Variants in AGAP1 observed in about 807,000 individuals in gnomAD.
The protein encoded by AGAP1 is ArfGAP with GTPase domain, ankyrin repeat and PH domain 1, also known as arf-GAP with GTPase, ANK repeat and PH domain-containing protein 1.
Under a neutral mutation model 105.3 loss-of-function variants are expected in AGAP1, and 29 were observed. That is an observed-to-expected ratio of 0.28 (90% CI 0.21 to 0.38). The LOEUF is 0.38. AGAP1 is among the 10% of genes least tolerant of loss of function. AGAP1 has a pLI of 1.00. For missense variants in AGAP1, 998 were observed against 1,165.1 expected (o/e 0.86, Z 2.09); for synonymous variants, 509 against 485.9 (o/e 1.05, Z -0.63).
intron 6 of AGAP1, among the ~76,000 whole-genome samples, chr2:235,766,061 C>T (rs1356506411): frequency 6.6e-6 from 1 of 152,090 alleles, no homozygotes; most frequent in East Asian, 1.9e-4. Flanking sequence ...CTGCACAGTT[C>T]GATTCTTGTT....
Position 235,622,184 on chromosome 2 carries a change from C to T in AGAP1, c.164-86995C>T, listed in dbSNP as rs538228571. ...TAAAGTAGCTTAGGTTTTATAAAAG[C>T]TGATGTTCTTCATGCTCTTCCCAAT... On this transcript the variant is annotated intron_variant, in intron 1 of 17. Transcript: ENST00000304032. This position sits in a 1 kb window ranked among gnomAD's most constrained non-coding sequence, Gnocchi z 5.0. Among the ~76,000 whole-genome samples the T allele has an allele frequency of 1.3e-5, 2 of 152,178 alleles. No individual in the cohort carries two copies. Among genetic ancestry groups the T allele is most frequent in the East Asian group, 1.9e-4 (1 of 5,168 alleles).
At chr2:235,528,833 A>T (rs1414757970) in intron 1 of AGAP1, among the ~76,000 whole-genome samples, 1 of 151,870 alleles carries the variant, frequency 6.6e-6, no homozygotes, top group Admixed American at 6.6e-5. Flanking sequence ...ATGTGCCACC[A>T]TGCCCGGCTA....
intron 6 of AGAP1, among the ~76,000 whole-genome samples, chr2:235,784,737 G>A (rs1227308811): frequency 6.6e-6 from 1 of 151,846 alleles, no homozygotes; most frequent in Non-Finnish European, 1.5e-5. Flanking sequence ...AAATGTTTAT[G>A]TGGACCCTCA....
chr2:235,779,271 G>C (rs775957137), intron 6 of AGAP1, among the ~76,000 whole-genome samples: 6 of 152,152 alleles, frequency 3.9e-5, no homozygotes, highest in Non-Finnish European at 7.4e-5. Flanking sequence ...ATACAGCCTC[G>C]CCAAGATACA....
intron 9 of AGAP1, among the ~76,000 whole-genome samples, chr2:235,849,390 C>CA (rs1961887432): frequency 6.6e-6 from 1 of 152,158 alleles, no homozygotes; most frequent in African/African-American, 2.4e-5. Flanking sequence ...TCCAAGTATT[C>CA]ATTGTTCGAA....
intron 9 of AGAP1, among the ~76,000 whole-genome samples, chr2:235,818,988 C>G (rs1055039953): frequency 6.6e-6 from 1 of 152,244 alleles, no homozygotes; most frequent in Admixed American, 6.5e-5. Context: ...TCTGTGCTGT[C>G]TGGCACCTGG....
At chr2:235,735,740 T>C (rs889465447) in intron 3 of AGAP1, among the ~76,000 whole-genome samples, 1 of 152,042 alleles carries the variant, frequency 6.6e-6, no homozygotes, top group Non-Finnish European at 1.5e-5. Flanking sequence ...AGACCTCGAC[T>C]CGCTTATGAA....
At position 235,620,292 on chromosome 2, in the gene AGAP1, T is replaced by C. The variant is rs1946435500; in HGVS notation, c.164-88887T>C. ...GCAGCGTTGCTTGGCGGATTACTGCTCACCTCTTCAAGCCGATGCTGCTAC... is the reference window on the plus strand; with the variant it reads ...GCAGCGTTGCTTGGCGGATTACTGCCCACCTCTTCAAGCCGATGCTGCTAC... On this transcript the variant is annotated intron_variant, in intron 1 of 17. Coordinates refer to ENST00000304032, the MANE Select transcript of AGAP1 (RefSeq NM_001037131.3). The surrounding 1 kb of genome is among the most constrained non-coding windows in gnomAD (Gnocchi z 4.5). Among the ~76,000 whole-genome samples the C allele has an allele frequency of 1.3e-5, 2 of 152,040 alleles. No individual in the cohort carries two copies. Among genetic ancestry groups the C allele is most frequent in the Admixed American group, 6.5e-5 (1 of 15,274 alleles).
chr2:235,778,368 C>G (rs1250504561), intron 6 of AGAP1, among the ~76,000 whole-genome samples: 1 of 152,224 alleles, frequency 6.6e-6, no homozygotes, highest in Non-Finnish European at 1.5e-5. Context: ...TATTTCACGT[C>G]TAATCAGACA....
Position 235,740,728 on chromosome 2 carries a change from A to C in AGAP1, c.311-235A>C, listed in dbSNP as rs963685954. On this transcript the variant is annotated intron_variant, in intron 3 of 17. Transcript: ENST00000304032. The surrounding 1 kb of genome is among the most constrained non-coding windows in gnomAD (Gnocchi z 5.7). ...CACTAATTGGCCACGAGTGTCTGGC[A>C]TTGCGAAGGAAGCTGTGCCTTCCAA... is the stretch of plus-strand genomic sequence containing the variant. 6.6e-6 allele frequency among the ~76,000 whole-genome samples: 1 copy of C among 152,268 alleles called. No individual in the cohort carries two copies. Among genetic ancestry groups the C allele is most frequent in the Admixed American group, 6.5e-5 (1 of 15,294 alleles).
At chr2:235,827,745 T>C (rs901519831) in intron 9 of AGAP1, among the ~76,000 whole-genome samples, 7 of 152,224 alleles carry the variant, frequency 4.6e-5, no homozygotes, top group Admixed American at 4.6e-4. Context: ...GGCTTTCCTT[T>C]AACATAGCTT....
chr2:235,811,665 G>C (rs1958146482), intron 9 of AGAP1, among the ~76,000 whole-genome samples: 1 of 152,220 alleles, frequency 6.6e-6, no homozygotes, highest in South Asian at 2.1e-4. Context: ...AGTGTGCGGG[G>C]CATGCTCTGT....
intron 1 of AGAP1, among the ~76,000 whole-genome samples, chr2:235,592,752 A>G (rs551372537): frequency 6.6e-6 from 1 of 152,094 alleles, no homozygotes; most frequent in East Asian, 1.9e-4. Flanking sequence ...TATCTGGCCG[A>G]GGTTGCTTGG....
chr2:235,878,594 G>C (rs934492892), intron 9 of AGAP1, among the ~76,000 whole-genome samples: 1 of 152,154 alleles, frequency 6.6e-6, no homozygotes, highest in South Asian at 2.1e-4. Flanking sequence ...CAGGGTTGAG[G>C]CCTTCTCAGG....
intron 3 of AGAP1, among the ~76,000 whole-genome samples, chr2:235,726,918 G>A (rs1446938237): frequency 6.6e-6 from 1 of 152,176 alleles, no homozygotes; most frequent in Non-Finnish European, 1.5e-5. Context: ...AAGTTCTTGA[G>A]GAGCCCTCTC....
rs182765702 is a variant in AGAP1, at chr2:235,631,444, G to A, written c.164-77735G>A. Among the ~76,000 whole-genome samples, 3 of 152,334 alleles carry A rather than the reference G, an allele frequency of 2.0e-5. No homozygotes were observed. The East Asian group carries it at 5.8e-4, about 29-fold the overall frequency. Reference sequence around the variant, plus strand: ...GACAGCCTCCGGGTGGGCCATCACTGCTGGTAGAGAGGGTTTCTGGGTCCC... The same window carrying A: ...GACAGCCTCCGGGTGGGCCATCACTACTGGTAGAGAGGGTTTCTGGGTCCC... On this transcript the variant is annotated intron_variant, in intron 1 of 17. Coordinates refer to ENST00000304032, the MANE Select transcript of AGAP1 (RefSeq NM_001037131.3). This position sits in a 1 kb window ranked among gnomAD's most constrained non-coding sequence, Gnocchi z 5.4.
At position 235,891,971 on chromosome 2, in the gene AGAP1, T is replaced by A. The variant is rs1023174676; in HGVS notation, c.1155+8522T>A. Among the ~76,000 whole-genome samples the A allele has an allele frequency of 4.6e-5, 7 of 152,144 alleles. No individual in the cohort carries two copies. The highest frequency in any genetic ancestry group is 4.6e-4 in the Admixed American group (7 of 15,264). ...GAGTTCAAGACTAGCCTGGCCAATA[T>A]GGTGAAACCCCATCTCTACTAAAAA... On this transcript the variant is annotated intron_variant, in intron 10 of 17. Transcript: ENST00000304032. This position sits in a 1 kb window ranked among gnomAD's most constrained non-coding sequence, Gnocchi z 4.2.
chr2:235,711,741 A>C (rs1950867144), intron 2 of AGAP1, among the ~76,000 whole-genome samples: 1 of 152,166 alleles, frequency 6.6e-6, no homozygotes, highest in Admixed American at 6.5e-5. Flanking sequence ...TCAGGGACTG[A>C]AGAAAGCGCT....
At chr2:235,713,987 G>A (rs1950973811) in intron 2 of AGAP1, among the ~76,000 whole-genome samples, 1 of 152,024 alleles carries the variant, frequency 6.6e-6, no homozygotes, top group African/African-American at 2.4e-5. Context: ...TGGGGATTAG[G>A]TTTCTTTGTT....
Sources: gnomAD v4.1 joint callset for allele counts (sites outside exome capture counted in the v4.1 genomes callset) on GRCh38, gnomAD v4.1.1 for gene constraint, Gnocchi (gnomAD v3.1) non-coding constraint, MANE v1.5 for transcripts, NCBI Gene and HGNC (gene_info 2026-07-23, HGNC 2026-07-21) for gene names.